Variants in CDH4 observed in about 807,000 individuals in gnomAD.
CDH4 encodes the protein cadherin 4, also known as cadherin-4.
A neutral mutation model predicts 86.0 loss-of-function variants in CDH4; 33 were observed. The observed-to-expected ratio is 0.38, with a 90% CI of 0.29 to 0.51. CDH4 has a LOEUF of 0.51. Ranked by LOEUF, CDH4 falls within the 20% of genes least tolerant of loss-of-function variation. CDH4 has a pLI of 0.86. For missense variants in CDH4, 1,114 were observed against 1,307.4 expected, an observed-to-expected ratio of 0.85 and a Z score of 2.28; for synonymous variants, 555 against 549.4, an observed-to-expected ratio of 1.01 and a Z score of -0.14.
chr20:61,820,702 G>A (rs2146063873), intron 4 of CDH4, among the ~76,000 whole-genome samples: 1 of 152,296 alleles, frequency 6.6e-6, no homozygotes, highest in Non-Finnish European at 1.5e-5. Context: ...AGGCCTGGAG[G>A]CAGCTTTGCT....
chr20:61,580,792 G>T (rs1220765035), intron 2 of CDH4, among the ~76,000 whole-genome samples: 2 of 152,168 alleles, frequency 1.3e-5, no homozygotes, highest in Non-Finnish European at 2.9e-5. Context: ...CCTAATGGGG[G>T]CTTACAAAGT....
rs377229069 is a variant in CDH4, at chr20:61,889,077, T to C, written c.1051-5833T>C. Among the ~76,000 whole-genome samples the C allele has an allele frequency of 9.2e-5, 14 of 152,230 alleles. No individual in the cohort carries two copies. The East Asian group carries it at 2.5e-3, about 27-fold the overall frequency. Reference sequence around the variant, plus strand: ...TGTTCTGCACCATGCACCTCATACCTCCTGCCCCAGCCCTGCTGTGCCTGC... The same window carrying C: ...TGTTCTGCACCATGCACCTCATACCCCCTGCCCCAGCCCTGCTGTGCCTGC... On this transcript the variant is annotated intron_variant, in intron 7 of 15. Coordinates refer to ENST00000614565, the MANE Select transcript of CDH4 (RefSeq NM_001794.5).
chr20:61,769,921 A>G (rs1222283924), intron 3 of CDH4, among the ~76,000 whole-genome samples: 1 of 152,210 alleles, frequency 6.6e-6, no homozygotes, highest in Non-Finnish European at 1.5e-5. Context: ...GGGAGGTGCT[A>G]TCTGTCTGGG....
rs570479536 is a variant in CDH4 at position 61,614,904 on chromosome 20, C to A, written c.170-128659C>A. On this transcript the variant is annotated intron_variant, in intron 2 of 15. Coordinates refer to ENST00000614565, the MANE Select transcript of CDH4 (RefSeq NM_001794.5). Reference sequence around the variant, plus strand: ...CCCACTTTCTCCCAGCACTGACTCCCAGCCCAGCCTCCCAGCACTGCGAGA... The same window carrying A: ...CCCACTTTCTCCCAGCACTGACTCCAAGCCCAGCCTCCCAGCACTGCGAGA... Among the ~76,000 whole-genome samples, 91 of 152,078 alleles carry A rather than the reference C, an allele frequency of 6.0e-4. 2 individuals are homozygous for A. Among genetic ancestry groups the A allele is most frequent in the African/African-American group, 2.1e-3 (88 of 41,428 alleles).
intron 2 of CDH4, among the ~76,000 whole-genome samples, chr20:61,282,318 C>T (rs994707353): frequency 6.6e-6 from 1 of 152,148 alleles, no homozygotes; most frequent in African/African-American, 2.4e-5. Context: ...AAGATTGCGC[C>T]ACTGCACTCC....
chr20:61,509,002 C>G (rs373093408), intron 2 of CDH4, among the ~76,000 whole-genome samples: 134 of 151,812 alleles, frequency 8.8e-4, no homozygotes, highest in African/African-American at 3.1e-3. Context: ...GGTACATGCT[C>G]GCAGCATGGA....
chr20:61,273,928 G>A (rs2123145161), intron 2 of CDH4, among the ~76,000 whole-genome samples: 1 of 150,244 alleles, frequency 6.7e-6, no homozygotes, highest in Admixed American at 6.6e-5. Context: ...TGTACAGTTT[G>A]GAGGAGTATT....
At chr20:61,936,710 C>A in intron 15 of CDH4, 27 bp from the exon 16 acceptor site, 2 of 1,507,054 alleles carry the variant, frequency 1.3e-6, no homozygotes, top group Non-Finnish European at 1.8e-6. Context: ...GCGTCCTGCA[C>A]CCTAACTCTG....
chr20:61,770,909 AAAGG>A (rs977935775), intron 3 of CDH4, among the ~76,000 whole-genome samples: 12 of 151,798 alleles, frequency 7.9e-5, no homozygotes, highest in Admixed American at 6.6e-4. Flanking sequence ...CAGAAAGGTA[AAAGG>A]AAGGAAGTAA....
intron 2 of CDH4, among the ~76,000 whole-genome samples, chr20:61,482,935 C>T (rs1214945737): frequency 6.6e-6 from 1 of 152,216 alleles, no homozygotes; most frequent in East Asian, 1.9e-4. Flanking sequence ...AGCCGAGGCA[C>T]AGGACTTAGC....
intron 2 of CDH4, among the ~76,000 whole-genome samples, chr20:61,550,424 C>G (rs1164096411): frequency 6.6e-6 from 1 of 152,234 alleles, no homozygotes; most frequent in Non-Finnish European, 1.5e-5. Flanking sequence ...GCCTCCTTTG[C>G]TTCCCCTCTC....
In CDH4 at chr20:61,542,447, G is replaced by C. The variant is rs576997369; in HGVS notation, c.170-201116G>C. 1.1e-4 allele frequency among the ~76,000 whole-genome samples: 17 copies of C among 152,300 alleles called. 1 individual carries two copies. The South Asian group carries it at 3.5e-3, about 32-fold the overall frequency. ...AGATCCTGCACACTTTCTGATCTGA[G>C]GAGTGAGGTTATTTCATCGCTTTAA... On this transcript the variant is annotated intron_variant, in intron 2 of 15. Transcript: ENST00000614565.
chr20:61,318,205 A>C (rs2084488078), intron 2 of CDH4, among the ~76,000 whole-genome samples: 1 of 152,186 alleles, frequency 6.6e-6, no homozygotes, highest in African/African-American at 2.4e-5. Flanking sequence ...GCTCCTGTTT[A>C]GACAGCAGTT....
chr20:61,576,767 G>A (rs541932191), intron 2 of CDH4, among the ~76,000 whole-genome samples: 7 of 152,286 alleles, frequency 4.6e-5, no homozygotes, highest in South Asian at 2.1e-4. Context: ...AATGTCAGGC[G>A]AATGAAGTAA....
intron 2 of CDH4, among the ~76,000 whole-genome samples, chr20:61,432,588 T>C (rs934951291): frequency 6.6e-6 from 1 of 152,120 alleles, no homozygotes; most frequent in Non-Finnish European, 1.5e-5. Flanking sequence ...TGTATGTATA[T>C]GTATGTGTGT....
intron 2 of CDH4, among the ~76,000 whole-genome samples, chr20:61,536,016 C>T (rs2085994393): frequency 6.6e-6 from 1 of 152,172 alleles, no homozygotes; most frequent in Admixed American, 6.5e-5. Flanking sequence ...CTGCCTGCTT[C>T]CACTCTGCAC....
intron 2 of CDH4, among the ~76,000 whole-genome samples, chr20:61,678,979 GA>G (rs1362247607): frequency 6.6e-6 from 1 of 152,222 alleles, no homozygotes; most frequent in African/African-American, 2.4e-5. Context: ...GGGAGAGTAT[GA>G]AAATGACTCA....
At chr20:61,460,213 C>T (rs1245226663) in intron 2 of CDH4, among the ~76,000 whole-genome samples, 1 of 152,158 alleles carries the variant, frequency 6.6e-6, no homozygotes, top group African/African-American at 2.4e-5. Flanking sequence ...TAGCCAGGTG[C>T]CCACTGTCGG....
intron 2 of CDH4, among the ~76,000 whole-genome samples, chr20:61,295,569 T>C (rs1185475230): frequency 6.6e-6 from 1 of 152,060 alleles, no homozygotes; most frequent in Non-Finnish European, 1.5e-5. Context: ...CAGTATCGAA[T>C]AACTCCAGGA....
Sources: gnomAD v4.1 joint callset for allele counts (sites outside exome capture counted in the v4.1 genomes callset) on GRCh38, gnomAD v4.1.1 for gene constraint, MANE v1.5 for transcripts, NCBI Gene and HGNC (gene_info 2026-07-23, HGNC 2026-07-21) for gene names.